The following NRXN3 variants were observed in gnomAD, a reference collection of about 807,000 sequenced individuals.
The protein encoded by NRXN3 is neurexin III.
A neutral mutation model predicts 137.6 loss-of-function variants in NRXN3; 32 were observed. That is an observed-to-expected ratio of 0.23 (90% CI 0.18 to 0.31). The LOEUF (loss-of-function observed/expected upper bound fraction) is 0.31. NRXN3 is among the 10% of genes least tolerant of loss of function. The pLI is 1.00. For synonymous variants in NRXN3, 798 were observed against 784.5 expected (o/e 1.02, Z -0.29); for missense variants, 1,574 against 2,062.5 (o/e 0.76, Z 4.59).
At chr14:78,339,366 T>C (rs1225142538) in intron 4 of NRXN3, among the ~76,000 whole-genome samples, 1 of 152,190 alleles carries the variant, frequency 6.6e-6, no homozygotes, top group Admixed American at 6.5e-5. Context: ...TCCATGCTAC[T>C]CTAGAGCCTG....
chr14:78,873,751 C>T (rs2099106939), intron 10 of NRXN3, among the ~76,000 whole-genome samples: 2 of 152,100 alleles, frequency 1.3e-5, no homozygotes, highest in African/African-American at 2.4e-5. Flanking sequence ...CAGCATGCAT[C>T]CCTGGGAGCT....
intron 4 of NRXN3, among the ~76,000 whole-genome samples, chr14:78,364,538 A>G (rs1328432361): frequency 3.9e-5 from 6 of 152,192 alleles, no homozygotes. Flanking sequence ...TGACACTGGC[A>G]TTTTCAAATA....
intron 9 of NRXN3, among the ~76,000 whole-genome samples, chr14:78,807,734 C>CAAAAGAAAAAAAA (rs1567370197): frequency 9.0e-6 from 1 of 111,684 alleles, no homozygotes; most frequent in East Asian, 2.5e-4. Flanking sequence ...GATTCTGTCT[C>CAAAAGAAAAAAAA]AAAAAAAAAA....
chr14:78,825,212 A>G (rs1018339963), intron 10 of NRXN3, among the ~76,000 whole-genome samples: 38 of 150,800 alleles, frequency 2.5e-4, no homozygotes, highest in African/African-American at 4.6e-4. Flanking sequence ...AAAAAAAAAA[A>G]AAAAAGAAAA....
intron 4 of NRXN3, among the ~76,000 whole-genome samples, chr14:78,491,538 C>T (rs995145595): frequency 2.6e-5 from 4 of 152,184 alleles, no homozygotes; most frequent in African/African-American, 9.6e-5. Flanking sequence ...ATTTAGCATT[C>T]TGTCATTGTC....
At chr14:78,174,916 G>T (rs1200737907) in intron 1 of NRXN3, among the ~76,000 whole-genome samples, 1 of 152,180 alleles carries the variant, frequency 6.6e-6, no homozygotes, top group East Asian at 1.9e-4. Context: ...GAAATTGAGG[G>T]TTTTCCCTGC....
At chr14:78,604,815 C>A (rs2097234298) in intron 4 of NRXN3, among the ~76,000 whole-genome samples, 1 of 152,136 alleles carries the variant, frequency 6.6e-6, no homozygotes, top group African/African-American at 2.4e-5. Flanking sequence ...TTCATAAGAG[C>A]CCCCTTAGTA....
intron 16 of NRXN3, among the ~76,000 whole-genome samples, chr14:79,655,193 G>T (rs2098499536): frequency 6.6e-6 from 1 of 152,198 alleles, no homozygotes; most frequent in African/African-American, 2.4e-5. Context: ...TGAATGAAAA[G>T]ACTTCCTTAG....
At position 78,179,810 on chromosome 14, in the gene NRXN3, G is replaced by GT. The variant is rs1164540691; in HGVS notation, c.-704+9149dup. On this transcript the variant is annotated intron_variant, in intron 1 of 20. Coordinates refer to ENST00000335750, the MANE Select transcript of NRXN3 (RefSeq NM_001330195.2). ...AGCATGTGACATATATTTGTTCTTT[G>GT]TTTTTTTTTTTTTGTTTGTTTCTGT... 0.014 allele frequency among the ~76,000 whole-genome samples: 408 copies of GT among 28,832 alleles called. 28 individuals are homozygous for GT. In the East Asian group the frequency reaches 0.19, roughly 13 times the overall value. 18.9% of individuals were successfully genotyped at this position (28,832 alleles called of 152,430 possible). A position where few individuals can be genotyped will look rare whatever the true frequency, so the allele number is the denominator to read the frequency against.
chr14:79,752,005 T>C (rs929105766), intron 19 of NRXN3, among the ~76,000 whole-genome samples: 2 of 152,188 alleles, frequency 1.3e-5, no homozygotes, highest in African/African-American at 4.8e-5. Context: ...TGCATCAATG[T>C]TCATCAAGGA....
intron 15 of NRXN3, among the ~76,000 whole-genome samples, chr14:79,351,919 C>T (rs1008747939): frequency 1.3e-5 from 2 of 152,100 alleles, no homozygotes; most frequent in Non-Finnish European, 2.9e-5. Context: ...GACTTTCACC[C>T]CCCTCCAAGC....
chr14:79,706,309 C>G (rs1159419785), intron 19 of NRXN3, among the ~76,000 whole-genome samples: 1 of 152,088 alleles, frequency 6.6e-6, no homozygotes, highest in African/African-American at 2.4e-5. Context: ...CCAGTTTCTT[C>G]TTCTTCCTTT....
At chr14:79,650,540 G>A (rs1417157653) in intron 16 of NRXN3, among the ~76,000 whole-genome samples, 1 of 152,130 alleles carries the variant, frequency 6.6e-6, no homozygotes, top group Non-Finnish European at 1.5e-5. Flanking sequence ...AAAACCTGCA[G>A]TAAGTGAACA....
intron 15 of NRXN3, among the ~76,000 whole-genome samples, chr14:79,111,026 G>C (rs982069941): frequency 6.6e-6 from 1 of 151,956 alleles, no homozygotes; most frequent in African/African-American, 2.4e-5. Flanking sequence ...TCCTGACCTC[G>C]TGGTCTGCCC....
chr14:79,277,074 T>C (rs1188261047), intron 15 of NRXN3, among the ~76,000 whole-genome samples: 3 of 152,084 alleles, frequency 2.0e-5, no homozygotes, highest in Non-Finnish European at 2.9e-5. Context: ...AACAAGGTAA[T>C]GGGAGGGGAT....
At position 79,484,687 on chromosome 14, in the gene NRXN3, G is replaced by A. The variant is rs548349458; in HGVS notation, c.3444+17285G>A. 9.2e-5 allele frequency among the ~76,000 whole-genome samples: 14 copies of A among 152,256 alleles called. No individual in the cohort carries two copies. In the South Asian group the frequency reaches 2.9e-3, roughly 32 times the overall value. ...CACACAGAACTTGTGTTCACAATTT[G>A]GGGTCATACCTTCACATATTATATG... On this transcript the variant is annotated intron_variant, in intron 16 of 20. Transcript: ENST00000335750.
intron 1 of NRXN3, among the ~76,000 whole-genome samples, chr14:78,182,390 CAG>C (rs1369320883): frequency 1.3e-5 from 2 of 152,022 alleles, no homozygotes; most frequent in Non-Finnish European, 2.9e-5. Flanking sequence ...TCAGAAAAAA[CAG>C]AGAAATTAGG....
chr14:79,741,940 G>A (rs1216643607), intron 19 of NRXN3, among the ~76,000 whole-genome samples: 1 of 152,114 alleles, frequency 6.6e-6, no homozygotes, highest in East Asian at 1.9e-4. Context: ...GATATTATAA[G>A]AGTATTGCAC....
At chr14:79,330,340 G>A (rs2091502305) in intron 15 of NRXN3, among the ~76,000 whole-genome samples, 1 of 152,148 alleles carries the variant, frequency 6.6e-6, no homozygotes, top group African/African-American at 2.4e-5. Flanking sequence ...AGGATGTGGA[G>A]AGTGATTTGA....
Sources: gnomAD v4.1 joint callset for allele counts (sites outside exome capture counted in the v4.1 genomes callset) on GRCh38, gnomAD v4.1.1 for gene constraint, MANE v1.5 for transcripts, NCBI Gene and HGNC (gene_info 2026-07-23, HGNC 2026-07-21) for gene names.